Variants in EML5 observed in about 807,000 individuals in gnomAD.
EML5 encodes echinoderm microtubule-associated protein-like 5.
In EML5, 120 loss-of-function variants were observed where a neutral mutation model predicts 250.0. That is an observed-to-expected ratio of 0.48 (90% CI 0.41 to 0.56). The LOEUF (loss-of-function observed/expected upper bound fraction) is 0.56, where lower values mean the gene tolerates loss of function less well. Among genes scored for constraint, EML5 ranks in the 20% least tolerant of loss-of-function variants. The pLI is 0.00. For missense variants in EML5, 2,006 were observed against 2,437.6 expected (o/e 0.82, Z 3.73); for synonymous variants, 771 against 806.5 (o/e 0.96, Z 0.75).
In EML5 at chr14:88,616,875, G is replaced by A; in HGVS notation, c.5647C>T (p.Leu1883=). The A allele has an allele frequency of 6.2e-7, 1 of 1,613,360 alleles. No individual in the cohort carries two copies. Among genetic ancestry groups the A allele is most frequent in the Non-Finnish European group, 8.5e-7 (1 of 1,179,610 alleles). Residue 1883 remains leucine, a synonymous_variant, in exon 42 of 44, where the codon CTA becomes TTA. Coordinates refer to ENST00000554922, the MANE Select transcript of EML5 (RefSeq NM_183387.3). ...RITWATWTSI[L]GDEVLGIWSR... Reference sequence around the variant, plus strand: ...CAGATTCCCAAAACCTCATCTCCTAGAATACTAGAGGGAAGGAACAAAAGA... The same window carrying A: ...CAGATTCCCAAAACCTCATCTCCTAAAATACTAGAGGGAAGGAACAAAAGA...
At chr14:88,703,784 A>C (rs1435748774) in intron 13 of EML5, among the ~76,000 whole-genome samples, 1 of 152,182 alleles carries the variant, frequency 6.6e-6, no homozygotes, top group Non-Finnish European at 1.5e-5. Flanking sequence ...TGAAATTAAA[A>C]TATTTAGGCA....
Position 88,626,901 on chromosome 14 carries a change from T to G in EML5, c.4677A>C (p.Lys1559Asn). The G allele has an allele frequency of 6.2e-7, 1 of 1,613,940 alleles. No individual in the cohort carries two copies. Among genetic ancestry groups the G allele is most frequent in the Non-Finnish European group, 8.5e-7 (1 of 1,179,852 alleles). ...CATCTTCCAGTGTGCTCAGTAGCCCTTTTTTGCTAAGAAGAGCTCTTCCTG... is the reference window on the plus strand; with the variant it reads ...CATCTTCCAGTGTGCTCAGTAGCCCGTTTTTGCTAAGAAGAGCTCTTCCTG... ...TLAGRALLSK[K>N]GLLSTLEDAR... Residue 1559 changes from lysine to asparagine, a missense_variant, in exon 35 of 44, where the codon AAA (lysine) becomes AAC (asparagine). Lys to Asn is a moderately conservative substitution (Grantham distance 94). Transcript: ENST00000554922.
At chr14:88,703,431 TA>T (rs1165581737) in intron 13 of EML5, among the ~76,000 whole-genome samples, 33 of 152,256 alleles carry the variant, frequency 2.2e-4, no homozygotes, top group African/African-American at 7.9e-4. Flanking sequence ...AAAATAAGTT[TA>T]AACTACAATT....
intron 29 of EML5, among the ~76,000 whole-genome samples, chr14:88,644,956 C>A (rs537376684): frequency 3.3e-5 from 5 of 152,046 alleles, no homozygotes; most frequent in African/African-American, 9.6e-5. Context: ...AGGTGATCGG[C>A]CCGCCTGGGC....
rs1340540369 is a variant in EML5 at position 88,689,009 on chromosome 14, C to T, written c.2540-536G>A. The stretch of plus-strand genomic sequence containing the variant: ...AATATCATCCTGTATGTATTCTTTG[C>T]AACTTGCTTTATTCACCAATGATTT... On this transcript the variant is annotated intron_variant, in intron 17 of 43. Transcript: ENST00000554922. Among the ~76,000 whole-genome samples the T allele has an allele frequency of 3.3e-5, 5 of 152,140 alleles. No individual in the cohort carries two copies. In the South Asian group the frequency reaches 8.3e-4, roughly 25 times the overall value.
rs993812116 is a variant in EML5 at position 88,738,916 on chromosome 14, A to C, written c.810T>G (p.Thr270=). 6.9e-6 allele frequency: 11 copies of C among 1,588,262 alleles called. No individual in the cohort carries two copies. The highest frequency in any genetic ancestry group is 4.3e-6 in the Non-Finnish European group (5 of 1,166,364). ...GGTCTGTTTCCCTGAGATCAATCAC[A>C]GTAATTGGTTTAAAAGTTAAATCCC... ...RLWDLTFKPI[T]VIDLRETDQG... is the part of the protein sequence containing the mutation. The change falls in exon 6 of 44, where the codon ACT becomes ACG. Residue 270 remains threonine, a synonymous_variant. Coordinates refer to ENST00000554922, the MANE Select transcript of EML5 (RefSeq NM_183387.3).
Position 88,705,573 on chromosome 14 carries a change from G to C in EML5, c.1841C>G (p.Ser614Cys). The change falls in exon 12 of 44, where the codon TCT becomes TGT. Residue 614 changes from serine (S) to cysteine (C), a missense_variant. Transcript: ENST00000554922. ...HIAPQESLAD[S>C]HSDESDSDLS... ...ATCTGAATCTGATTCATCACTATGA[G>C]AGTCAGCCAGACTTTCTGTAATTTT... is the stretch of plus-strand genomic sequence containing the variant. 6.3e-7 allele frequency: 1 copy of C among 1,590,938 alleles called. No homozygotes were observed. The highest frequency in any genetic ancestry group is 8.6e-7 in the Non-Finnish European group (1 of 1,167,166).
intron 3 of EML5, 42 bp from the exon 4 acceptor site, chr14:88,744,133 G>C (rs1242988975): frequency 1.4e-6 from 2 of 1,407,936 alleles, no homozygotes; most frequent in African/African-American, 2.9e-5. Context: ...CTTATTTCCA[G>C]AATCATTTAA....
Position 88,687,206 on chromosome 14 carries a change from C to A in EML5, c.2854+10G>T. 6.3e-7 allele frequency: 1 copy of A among 1,595,522 alleles called. No homozygotes were observed. Among genetic ancestry groups the A allele is most frequent in the South Asian group, 1.1e-5 (1 of 87,214 alleles). ...TTCCTATACAAAAACCCCACTAAGT[C>A]TCAAATCACCTTTAGATCCTGGGGC... On this transcript the variant is annotated intron_variant, in intron 19 of 43. Transcript: ENST00000554922.
At chr14:88,784,704 C>T (rs918392953) in intron 1 of EML5, among the ~76,000 whole-genome samples, 1 of 152,064 alleles carries the variant, frequency 6.6e-6, no homozygotes, top group Non-Finnish European at 1.5e-5. Flanking sequence ...TGACTTATAT[C>T]CAAAAGACAG....
chr14:88,642,897 A>T lies in EML5; in HGVS notation c.4233T>A (p.Ala1411=). ...TASVGILHNV[A]TGSQSFYQEH... is the part of the protein sequence containing the mutation. ...TGGAGAATCAGGGTTTCCTACCTGT[A>T]GCAACATTGTGCAGAATTCCAACAG... Residue 1411 remains alanine, a synonymous_variant, in exon 31 of 44, where the codon GCT becomes GCA. Transcript: ENST00000554922. 6.2e-7 allele frequency: 1 copy of T among 1,601,184 alleles called. No individual in the cohort carries two copies.
At chr14:88,648,872 A>G (rs534830805) in intron 28 of EML5, among the ~76,000 whole-genome samples, 4 of 152,178 alleles carry the variant, frequency 2.6e-5, no homozygotes, top group Admixed American at 6.5e-5. Flanking sequence ...CTCTGAACTC[A>G]TATCTTTGTA....
chr14:88,687,363 T>C, intron 18 of EML5, 36 bp from the exon 19 acceptor site: 1 of 1,411,094 alleles, frequency 7.1e-7, no homozygotes, highest in Non-Finnish European at 9.6e-7. Context: ...AATAAAGATC[T>C]AAATATTTTT....
At chr14:88,789,704 C>T (rs1354034743) in intron 1 of EML5, among the ~76,000 whole-genome samples, 2 of 142,774 alleles carry the variant, frequency 1.4e-5, no homozygotes, top group Non-Finnish European at 3.0e-5. Flanking sequence ...GTGGCACCAC[C>T]ACTGGCAATC....
intron 7 of EML5, among the ~76,000 whole-genome samples, chr14:88,732,142 T>C (rs1242084445): frequency 6.6e-6 from 1 of 152,220 alleles, no homozygotes; most frequent in Non-Finnish European, 1.5e-5. Flanking sequence ...TCCTTGCCCA[T>C]GCCTATGTCC....
chr14:88,772,670 T>C (rs1236955612), intron 1 of EML5, among the ~76,000 whole-genome samples: 2 of 151,968 alleles, frequency 1.3e-5, no homozygotes, highest in African/African-American at 4.8e-5. Context: ...GAAGAATCGC[T>C]TGAACCTGGG....
rs182560372 is a variant in EML5, at chr14:88,788,185, A to C, written c.197+4122T>G. Among the ~76,000 whole-genome samples, 399 of 152,248 alleles carry C rather than the reference A, an allele frequency of 2.6e-3. 4 individuals carry two copies. The highest frequency in any genetic ancestry group is 9.3e-3 in the African/African-American group (387 of 41,532). On this transcript the variant is annotated intron_variant, in intron 1 of 43. Transcript: ENST00000554922. Reference sequence around the variant, plus strand: ...GCTACTCTGAACCCATATAAACACAAAAAAAATCTATCTACCGTGCAAATG... The same window carrying C: ...GCTACTCTGAACCCATATAAACACACAAAAAATCTATCTACCGTGCAAATG...
At chr14:88,663,891 A>G (rs1264938680) in intron 23 of EML5, among the ~76,000 whole-genome samples, 1 of 152,192 alleles carries the variant, frequency 6.6e-6, no homozygotes, top group African/African-American at 2.4e-5. Context: ...AGACATCTTC[A>G]CAACAATTTT....
intron 17 of EML5, among the ~76,000 whole-genome samples, chr14:88,693,738 C>T (rs913120834): frequency 1.3e-4 from 18 of 140,986 alleles, no homozygotes; most frequent in African/African-American, 4.4e-4. Flanking sequence ...CTCTTATACA[C>T]TTCAGTTTCT....
Sources: allele counts gnomAD v4.1 joint callset (sites outside exome capture counted in the v4.1 genomes callset), GRCh38; gene constraint gnomAD v4.1.1; transcripts MANE v1.5; gene names NCBI Gene and HGNC (gene_info 2026-07-23, HGNC 2026-07-21).